GRID2: variants seen among roughly 807,000 people sequenced by gnomAD.
GRID2 encodes the protein glutamate ionotropic receptor delta type subunit 2, also known as glutamate receptor ionotropic, delta-2.
Under a neutral mutation model 114.8 loss-of-function variants are expected in GRID2, and 33 were observed. The ratio of observed to expected loss-of-function variants is 0.29; its 90% CI spans 0.22 to 0.38. GRID2 has a LOEUF of 0.38. GRID2 is among the 10% of genes least tolerant of loss of function. The pLI, the probability that GRID2 is intolerant of heterozygous loss-of-function variation, is 1.00. For synonymous variants in GRID2, 505 were observed against 449.9 expected (o/e 1.12, Z -1.55); for missense variants, 1,184 against 1,257.7 (o/e 0.94, Z 0.89).
At chr4:92,459,772 G>A (rs990966834) in intron 1 of GRID2, among the ~76,000 whole-genome samples, 19 of 151,742 alleles carry the variant, frequency 1.3e-4, no homozygotes, top group Non-Finnish European at 8.8e-5. Context: ...TTCTGTGAAG[G>A]TATAGATGAG....
intron 1 of GRID2, among the ~76,000 whole-genome samples, chr4:92,427,265 T>G (rs1349748381): frequency 6.6e-6 from 1 of 152,144 alleles, no homozygotes; most frequent in African/African-American, 2.4e-5. Flanking sequence ...TTATCAGTAT[T>G]TAGACGACAT....
intron 11 of GRID2, among the ~76,000 whole-genome samples, chr4:93,483,406 A>C (rs937690195): frequency 1.3e-5 from 2 of 151,998 alleles, no homozygotes; most frequent in African/African-American, 4.8e-5. Context: ...TAATTTATAA[A>C]ATAATCCCAC....
At chr4:92,724,347 A>G (rs1254384004) in intron 2 of GRID2, among the ~76,000 whole-genome samples, 5 of 152,078 alleles carry the variant, frequency 3.3e-5, no homozygotes, top group African/African-American at 9.7e-5. Flanking sequence ...TAGAAGCATC[A>G]CTGTTACAAC....
chr4:93,439,600 C>T (rs1370525595), intron 10 of GRID2, among the ~76,000 whole-genome samples: 1 of 152,054 alleles, frequency 6.6e-6, no homozygotes, highest in Admixed American at 6.6e-5. Flanking sequence ...ATAAAAACTT[C>T]ATTGGGAATG....
chr4:92,503,735 C>G (rs529527816), intron 1 of GRID2, among the ~76,000 whole-genome samples: 1 of 152,198 alleles, frequency 6.6e-6, no homozygotes, highest in East Asian at 1.9e-4. Context: ...ATAGTTACAA[C>G]TTAATGCCAG....
At chr4:93,501,322 C>T (rs557620056) in intron 12 of GRID2, among the ~76,000 whole-genome samples, 1 of 152,078 alleles carries the variant, frequency 6.6e-6, no homozygotes, top group South Asian at 2.1e-4. Flanking sequence ...TTTTTTATAG[C>T]TCTCAGTAGG....
At chr4:92,850,557 C>G (rs1321489040) in intron 2 of GRID2, among the ~76,000 whole-genome samples, 1 of 151,806 alleles carries the variant, frequency 6.6e-6, no homozygotes. Context: ...ATTTTACAAA[C>G]CCAGATTGTG....
chr4:92,604,909 A>T (rs750544357), intron 2 of GRID2, among the ~76,000 whole-genome samples: 3 of 152,024 alleles, frequency 2.0e-5, no homozygotes, highest in African/African-American at 4.8e-5. Context: ...GAAGGAAAAG[A>T]CCAAGTGGAG....
chr4:93,108,956 G>C (rs1271421065), intron 3 of GRID2, among the ~76,000 whole-genome samples: 3 of 152,078 alleles, frequency 2.0e-5, no homozygotes, highest in Non-Finnish European at 4.4e-5. Flanking sequence ...AGGTATATTG[G>C]TTCTGGGGTG....
chr4:93,344,108 G>A (rs1405964146), intron 8 of GRID2, among the ~76,000 whole-genome samples: 1 of 152,008 alleles, frequency 6.6e-6, no homozygotes, highest in African/African-American at 2.4e-5. Flanking sequence ...GCATGGAGAA[G>A]CCTTATAATT....
At position 93,071,099 on chromosome 4, in the gene GRID2, C is replaced by A. The variant is rs567005041; in HGVS notation, c.245-13896C>A. 7.2e-5 allele frequency among the ~76,000 whole-genome samples: 11 copies of A among 152,208 alleles called. No individual in the cohort carries two copies. The South Asian group carries it at 2.3e-3, about 32-fold the overall frequency. On this transcript the variant is annotated intron_variant, in intron 2 of 15. Transcript: ENST00000282020. The stretch of plus-strand genomic sequence containing the variant: ...ATAGGGAATGCCAAACAACACTTTT[C>A]TTATGAAGGGCAGATTCTTTCCACT...
At chr4:93,277,940 C>T (rs1752231740) in intron 8 of GRID2, among the ~76,000 whole-genome samples, 1 of 151,736 alleles carries the variant, frequency 6.6e-6, no homozygotes, top group Non-Finnish European at 1.5e-5. Context: ...TCTAAAGACA[C>T]TATAAGACAC....
intron 9 of GRID2, among the ~76,000 whole-genome samples, chr4:93,420,209 A>G (rs921347138): frequency 1.3e-5 from 2 of 152,206 alleles, no homozygotes; most frequent in African/African-American, 4.8e-5. Flanking sequence ...GGAAATCAGT[A>G]CATGCTTCTG....
At chr4:93,619,747 A>G (rs930110324) in intron 13 of GRID2, among the ~76,000 whole-genome samples, 7 of 152,208 alleles carry the variant, frequency 4.6e-5, no homozygotes, top group Admixed American at 2.6e-4. Flanking sequence ...CTTGAGAAGT[A>G]AGCAACCTTT....
At chr4:92,511,210 G>A (rs1724228496) in intron 1 of GRID2, among the ~76,000 whole-genome samples, 1 of 151,776 alleles carries the variant, frequency 6.6e-6, no homozygotes, top group South Asian at 2.1e-4. Context: ...TGAAGAGGGA[G>A]CCAACACATC....
At chr4:93,308,917 T>A (rs569037841) in intron 8 of GRID2, among the ~76,000 whole-genome samples, 57 of 152,200 alleles carry the variant, frequency 3.7e-4, no homozygotes, top group Non-Finnish European at 6.6e-4. Context: ...TGTAAGTTTG[T>A]ATCTGAAATA....
chr4:92,677,498 C>G (rs1293731935), intron 2 of GRID2, among the ~76,000 whole-genome samples: 1 of 152,116 alleles, frequency 6.6e-6, no homozygotes, highest in Non-Finnish European at 1.5e-5. Context: ...CCACTGGCCT[C>G]TTTCTCATTT....
chr4:92,975,156 C>CAAAGAAAAAAAAAAAAAAA (rs1753785148), intron 2 of GRID2, among the ~76,000 whole-genome samples: 1 of 46,692 alleles, frequency 2.1e-5, no homozygotes, highest in African/African-American at 9.8e-5. Flanking sequence ...GATTCCGCCT[C>CAAAGAAAAAAAAAAAAAAA]AAAAAAAAAA....
At chr4:93,127,514 T>C (rs1315291928) in intron 4 of GRID2, among the ~76,000 whole-genome samples, 1 of 152,240 alleles carries the variant, frequency 6.6e-6, no homozygotes, top group African/African-American at 2.4e-5. Flanking sequence ...TTTATTGTGT[T>C]TTCCTTACGT....
Sources: allele counts gnomAD v4.1 joint callset (sites outside exome capture counted in the v4.1 genomes callset), GRCh38; gene constraint gnomAD v4.1.1; transcripts MANE v1.5; gene names NCBI Gene and HGNC (gene_info 2026-07-23, HGNC 2026-07-21).